KCNIP4: variants seen among roughly 807,000 people sequenced by gnomAD.
KCNIP4 encodes the protein potassium voltage-gated channel interacting protein 4, also known as Kv channel-interacting protein 4.
Under a neutral mutation model 34.0 loss-of-function variants are expected in KCNIP4, and 12 were observed. The observed-to-expected ratio is 0.35, with a 90% confidence interval of 0.23 to 0.57. The LOEUF is 0.57. Ranked by LOEUF, KCNIP4 falls within the 20% of genes least tolerant of loss-of-function variation. KCNIP4 has a pLI of 0.83. For missense variants in KCNIP4, 238 were observed against 311.7 expected (o/e 0.76, Z 1.78); for synonymous variants, 124 against 102.2 (o/e 1.21, Z -1.29).
intron 2 of KCNIP4, among the ~76,000 whole-genome samples, chr4:20,854,798 G>A (rs1160422188): frequency 6.6e-6 from 1 of 152,118 alleles, no homozygotes; most frequent in Non-Finnish European, 1.5e-5. Context: ...TGGATGGTTG[G>A]GGGCCTAGAG....
chr4:20,786,745 T>A (rs1242797347), intron 3 of KCNIP4, among the ~76,000 whole-genome samples: 1 of 152,106 alleles, frequency 6.6e-6, no homozygotes, highest in Non-Finnish European at 1.5e-5. Context: ...AGTGTTTTTT[T>A]TAGACTCTGG....
chr4:21,728,226 C>G (rs374483979), intron 1 of KCNIP4, among the ~76,000 whole-genome samples: 1 of 152,100 alleles, frequency 6.6e-6, no homozygotes, highest in Non-Finnish European at 1.5e-5. Context: ...CAAAACTAAC[C>G]AAACTCCAAA....
chr4:21,649,368 C>T (rs1158238858), intron 1 of KCNIP4, among the ~76,000 whole-genome samples: 1 of 152,098 alleles, frequency 6.6e-6, no homozygotes, highest in Non-Finnish European at 1.5e-5. Context: ...CAAAAACATG[C>T]TAAGTGTCTC....
At chr4:21,478,518 G>A (rs1322648430) in intron 1 of KCNIP4, among the ~76,000 whole-genome samples, 1 of 152,136 alleles carries the variant, frequency 6.6e-6, no homozygotes, top group African/African-American at 2.4e-5. Context: ...CCAAATTGTT[G>A]AAGAAGTGCT....
chr4:21,341,280 C>T (rs538878947), intron 1 of KCNIP4, among the ~76,000 whole-genome samples: 17 of 152,094 alleles, frequency 1.1e-4, no homozygotes, highest in East Asian at 5.8e-4. Context: ...TTTTGTTTTA[C>T]GCCACCCAAT....
intron 1 of KCNIP4, among the ~76,000 whole-genome samples, chr4:21,943,287 A>G (rs1429915441): frequency 4.6e-5 from 7 of 152,224 alleles, no homozygotes. Flanking sequence ...TCAGGGAGAA[A>G]TCAGTAAGCC....
chr4:21,592,711 T>C (rs16871505), intron 1 of KCNIP4, among the ~76,000 whole-genome samples: 10,033 of 152,190 alleles, frequency 0.066, 478 homozygotes, highest in African/African-American at 0.13. Context: ...GAGGTGAAAG[T>C]ATAATTCTAG....
At chr4:21,947,158 A>G (rs539229918) in intron 1 of KCNIP4, among the ~76,000 whole-genome samples, 2 of 152,300 alleles carry the variant, frequency 1.3e-5, no homozygotes, top group African/African-American at 4.8e-5. Flanking sequence ...TGTTTATTCT[A>G]AAGAACTGCA....
chr4:21,669,416 ATTTTC>A (rs1384710001), intron 1 of KCNIP4, among the ~76,000 whole-genome samples: 1 of 152,170 alleles, frequency 6.6e-6, no homozygotes. Context: ...TCTTAATAAC[ATTTTC>A]TTTTCTTTAA....
intron 1 of KCNIP4, among the ~76,000 whole-genome samples, chr4:21,633,683 T>C (rs192555873): frequency 6.2e-4 from 95 of 152,228 alleles, no homozygotes; most frequent in Middle Eastern, 3.4e-3. Context: ...ATTGACACTT[T>C]CAAAAATTAT....
At chr4:21,796,654 T>C (rs1216037061) in intron 1 of KCNIP4, among the ~76,000 whole-genome samples, 3 of 152,232 alleles carry the variant, frequency 2.0e-5, no homozygotes, top group African/African-American at 7.2e-5. Flanking sequence ...TATATGTGTG[T>C]TATCCTCTTA....
chr4:20,990,107 A>G (rs572081118), intron 1 of KCNIP4, among the ~76,000 whole-genome samples: 103 of 152,332 alleles, frequency 6.8e-4, no homozygotes, highest in African/African-American at 2.3e-3. Flanking sequence ...TAACAAAGAC[A>G]AGGTCAGTGT....
chr4:20,841,559 G>A (rs10001999), intron 3 of KCNIP4, among the ~76,000 whole-genome samples: 56,035 of 151,556 alleles, frequency 0.37, 10,753 homozygotes, highest in Non-Finnish European at 0.43. Context: ...ACATCACGAC[G>A]TCCACTCAGC....
intron 1 of KCNIP4, among the ~76,000 whole-genome samples, chr4:21,432,390 A>G (rs1726571562): frequency 6.6e-6 from 1 of 151,848 alleles, no homozygotes; most frequent in Non-Finnish European, 1.5e-5. Context: ...GCAAAGCACA[A>G]TGGTTCCCAC....
At chr4:21,363,667 CA>C (rs1719448039) in intron 1 of KCNIP4, among the ~76,000 whole-genome samples, 1 of 152,026 alleles carries the variant, frequency 6.6e-6, no homozygotes, top group African/African-American at 2.4e-5. Flanking sequence ...CCTTGTAATT[CA>C]AAGATGATGA....
At chr4:20,926,692 C>T (rs1316992073) in intron 1 of KCNIP4, among the ~76,000 whole-genome samples, 4 of 152,188 alleles carry the variant, frequency 2.6e-5, no homozygotes, top group South Asian at 4.1e-4. Flanking sequence ...TTAAGGCACA[C>T]TTGTGGGGCA....
intron 1 of KCNIP4, among the ~76,000 whole-genome samples, chr4:21,538,624 GC>G (rs1360512635): frequency 1.3e-5 from 2 of 151,946 alleles, no homozygotes; most frequent in Non-Finnish European, 2.9e-5. Flanking sequence ...AATATTTTAT[GC>G]CCCATGCTTG....
At chr4:21,119,240 A>G (rs1219189799) in intron 1 of KCNIP4, among the ~76,000 whole-genome samples, 1 of 151,928 alleles carries the variant, frequency 6.6e-6, no homozygotes, top group Non-Finnish European at 1.5e-5. Flanking sequence ...GAATTTTGAG[A>G]AGTGGAACTT....
chr4:21,621,370 A>AT (rs1339982327), intron 1 of KCNIP4, among the ~76,000 whole-genome samples: 2 of 151,984 alleles, frequency 1.3e-5, no homozygotes, highest in Non-Finnish European at 2.9e-5. Flanking sequence ...CTTATTACTT[A>AT]TTTTTTCCTG....
Sources: allele counts gnomAD v4.1 joint callset (sites outside exome capture counted in the v4.1 genomes callset), GRCh38; gene constraint gnomAD v4.1.1; transcripts MANE v1.5; gene names NCBI Gene and HGNC (gene_info 2026-07-23, HGNC 2026-07-21).